The following EPB41L5 variants were observed in gnomAD, a reference collection of about 807,000 sequenced individuals.
The protein encoded by EPB41L5 is erythrocyte membrane protein band 4.1 like 5, also known as band 4.1-like protein 5.
Under a neutral mutation model 106.6 loss-of-function variants are expected in EPB41L5, and 55 were observed. The observed-to-expected ratio is 0.52, with a 90% CI of 0.42 to 0.65. The LOEUF (loss-of-function observed/expected upper bound fraction) is 0.65, where lower values mean the gene tolerates loss of function less well. Among genes scored for constraint, EPB41L5 ranks in the 30% least tolerant of loss-of-function variants. The pLI is 0.00. For missense variants in EPB41L5, 871 were observed against 882.1 expected (o/e 0.99, Z 0.16); for synonymous variants, 297 against 306.7 (o/e 0.97, Z 0.33).
intron 3 of EPB41L5, among the ~76,000 whole-genome samples, chr2:120,067,106 G>A (rs1375266210): frequency 6.6e-6 from 1 of 152,206 alleles, no homozygotes; most frequent in East Asian, 1.9e-4. Flanking sequence ...AAAAGTAGAT[G>A]TCCAACTGAA....
At position 120,164,875 on chromosome 2, in the gene EPB41L5, A is replaced by T. The variant is rs1171283957; in HGVS notation, c.1927A>T (p.Thr643Ser). Residue 643 changes from threonine (T) to serine (S), a missense_variant, in exon 22 of 25, where the codon ACT becomes TCT. Thr to Ser is a moderately conservative substitution (Grantham distance 58). Transcript: ENST00000263713. ...DELDALLASL[T>S]ENLIDHTVAP... is the part of the protein sequence containing the mutation. The stretch of plus-strand genomic sequence containing the variant: ...ATTGGATGCCTTGCTTGCATCTCTA[A>T]CTGAGAATCTAATTGATCACACAGT... 1.9e-6 allele frequency: 3 copies of T among 1,611,938 alleles called. No individual in the cohort carries two copies. Among genetic ancestry groups the T allele is most frequent in the Non-Finnish European group, 2.5e-6 (3 of 1,179,130 alleles).
rs188940803 is a variant in EPB41L5, at chr2:120,090,257, T to C, written c.874-90T>C. On this transcript the variant is annotated intron_variant, in intron 11 of 24. Coordinates refer to ENST00000263713, the MANE Select transcript of EPB41L5 (RefSeq NM_020909.4). ...GAATTTCAGGGAGCACACTAGATCC[T>C]TTATTCATGGATGTGTTTGTATCTC... 1.5e-5 allele frequency: 16 copies of C among 1,092,420 alleles called. No homozygotes were observed. The Admixed American group carries it at 3.1e-4, about 21-fold the overall frequency. The allele number at this position is 1,092,420 out of a possible 1,614,324, so 67.7% of individuals were successfully genotyped here.
intron 3 of EPB41L5, among the ~76,000 whole-genome samples, chr2:120,066,188 G>A (rs1376146952): frequency 6.6e-6 from 1 of 151,742 alleles, no homozygotes; most frequent in African/African-American, 2.4e-5. Flanking sequence ...AAAATAAGGG[G>A]GTCCATGATT....
At chr2:120,047,305 C>G (rs1163983273) in intron 3 of EPB41L5, among the ~76,000 whole-genome samples, 1 of 152,100 alleles carries the variant, frequency 6.6e-6, no homozygotes, top group African/African-American at 2.4e-5. Context: ...ATGGAATGTT[C>G]CTCCATTTGT....
At chr2:120,106,691 G>GT in intron 16 of EPB41L5, 2 of 985,310 alleles carry the variant, frequency 2.0e-6, no homozygotes, top group South Asian at 4.7e-5. Flanking sequence ...CATTTTGACT[G>GT]TTTTTACAGT....
At chr2:120,020,857 G>A (rs1677876831) in intron 2 of EPB41L5, among the ~76,000 whole-genome samples, 1 of 152,032 alleles carries the variant, frequency 6.6e-6, no homozygotes, top group African/African-American at 2.4e-5. Flanking sequence ...AGTGCAGTAT[G>A]GAGGAGAAAC....
intron 21 of EPB41L5, among the ~76,000 whole-genome samples, chr2:120,161,682 C>T (rs1053036367): frequency 6.6e-6 from 1 of 152,150 alleles, no homozygotes; most frequent in Non-Finnish European, 1.5e-5. Context: ...CGGTACTGGT[C>T]CATGGCCTGT....
intron 3 of EPB41L5, among the ~76,000 whole-genome samples, chr2:120,054,959 C>G (rs1290041255): frequency 6.6e-6 from 1 of 151,248 alleles, no homozygotes. Flanking sequence ...CTCTGCCTCC[C>G]GGGTCCAAGT....
chr2:120,066,345 A>G (rs1358102750), intron 3 of EPB41L5, among the ~76,000 whole-genome samples: 2 of 152,198 alleles, frequency 1.3e-5, no homozygotes, highest in South Asian at 2.1e-4. Context: ...GTGAATGAAA[A>G]TATGTATTTA....
intron 14 of EPB41L5, 134 bp downstream of exon 14, chr2:120,093,410 A>ATG (rs1683545427): frequency 4.0e-6 from 3 of 759,278 alleles, no homozygotes; most frequent in Admixed American, 4.2e-5. Context: ...CAGGGAATAA[A>ATG]TGAACATGTA....
chr2:120,031,078 A>G (rs1678674497), intron 2 of EPB41L5, among the ~76,000 whole-genome samples: 1 of 152,126 alleles, frequency 6.6e-6, no homozygotes, highest in Admixed American at 6.5e-5. Context: ...TATGTTGGTC[A>G]GGCTGGTCTC....
At chr2:120,141,538 G>A (rs1201448531) in intron 18 of EPB41L5, among the ~76,000 whole-genome samples, 1 of 152,120 alleles carries the variant, frequency 6.6e-6, no homozygotes, top group Non-Finnish European at 1.5e-5. Flanking sequence ...TGTAAATGAA[G>A]TATGAATCAG....
chr2:120,023,621 C>A (rs775316410), intron 2 of EPB41L5, among the ~76,000 whole-genome samples: 2 of 152,106 alleles, frequency 1.3e-5, no homozygotes, highest in African/African-American at 2.4e-5. Flanking sequence ...TAGTGTGATG[C>A]CTCAAGCTTT....
At chr2:120,022,254 T>A (rs1677984704) in intron 2 of EPB41L5, among the ~76,000 whole-genome samples, 2 of 152,186 alleles carry the variant, frequency 1.3e-5, no homozygotes, top group Admixed American at 6.5e-5. Flanking sequence ...TACATAGGTA[T>A]ACACGTGCCA....
In EPB41L5 at chr2:120,167,475, A is replaced by G; in HGVS notation, c.1972A>G (p.Thr658Ala). ...DHTVAPQVSS[T>A]SMITPRWIVP... is the part of the protein sequence containing the mutation. ...TATAAAATTATTTCAGGTGTCTTCC[A>G]CATCCATGATCACACCCCGGTGGAT... Residue 658 changes from threonine (T) to alanine (A), a missense_variant, in exon 23 of 25, where the codon ACA becomes GCA. Transcript: ENST00000263713. 6.2e-7 allele frequency: 1 copy of G among 1,613,634 alleles called. No homozygotes were observed. The highest frequency in any genetic ancestry group is 8.5e-7 in the Non-Finnish European group (1 of 1,179,606).
intron 3 of EPB41L5, among the ~76,000 whole-genome samples, chr2:120,064,173 T>C (rs573384099): frequency 3.5e-4 from 53 of 152,332 alleles, no homozygotes; most frequent in African/African-American, 1.3e-3. Context: ...ATCCTCTCTT[T>C]CCTTAGTATA....
chr2:120,023,918 T>C (rs902514666), intron 2 of EPB41L5, among the ~76,000 whole-genome samples: 3 of 152,342 alleles, frequency 2.0e-5, no homozygotes, highest in Non-Finnish European at 4.4e-5. Flanking sequence ...GTTGTATTCC[T>C]AGGCATTTTA....
intron 10 of EPB41L5, among the ~76,000 whole-genome samples, chr2:120,083,709 T>G (rs1428889540): frequency 2.0e-5 from 3 of 152,194 alleles, no homozygotes; most frequent in Non-Finnish European, 4.4e-5. Context: ...GGTGTTAAAG[T>G]CTCCCACATT....
At chr2:120,112,270 A>T (rs148338471) in intron 16 of EPB41L5, among the ~76,000 whole-genome samples, 4 of 152,206 alleles carry the variant, frequency 2.6e-5, no homozygotes, top group Admixed American at 1.3e-4. Context: ...GTTTCTCAGG[A>T]CATAACCCTA....
Sources: allele counts gnomAD v4.1 joint callset (sites outside exome capture counted in the v4.1 genomes callset), GRCh38; gene constraint gnomAD v4.1.1; transcripts MANE v1.5; gene names NCBI Gene and HGNC (gene_info 2026-07-23, HGNC 2026-07-21).